The following CDHR1 variants were observed in gnomAD, a reference collection of about 807,000 sequenced individuals.
The protein encoded by CDHR1 is cadherin related family member 1, also known as cadherin-related family member 1.
CDHR1 carries 61 observed loss-of-function variants against 72.1 expected under a neutral mutation model. The ratio of observed to expected loss-of-function variants is 0.85; its 90% CI spans 0.69 to 1.05. CDHR1 has a LOEUF of 1.05. Ranked by LOEUF, CDHR1 falls within the 50% of genes least tolerant of loss-of-function variation. CDHR1 has a pLI of 0.00. For synonymous variants in CDHR1, 470 were observed against 448.1 expected (o/e 1.05, Z -0.62); for missense variants, 1,186 against 1,115.7 (o/e 1.06, Z -0.90).
intron 15 of CDHR1, 80 bp downstream of exon 15, chr10:84,212,487 T>A: frequency 7.7e-7 from 1 of 1,292,702 alleles, no homozygotes; most frequent in Non-Finnish European, 1.1e-6. Context: ...AAGAATTTCA[T>A]TGAAGATAAA....
intron 15 of CDHR1, 26 bp downstream of exon 15, chr10:84,212,433 C>T: frequency 6.3e-7 from 1 of 1,577,970 alleles, no homozygotes; most frequent in Non-Finnish European, 8.7e-7. Flanking sequence ...AGCTGAGCTC[C>T]CCTAAAAGCC....
Position 84,214,335 on chromosome 10 carries a change from C to T in CDHR1, c.2294C>T (p.Thr765Ile), listed in dbSNP as rs770470540. 6.2e-7 allele frequency: 1 copy of T among 1,614,206 alleles called. No individual in the cohort carries two copies. The highest frequency in any genetic ancestry group is 1.1e-5 in the South Asian group (1 of 91,086). Reference sequence around the variant, plus strand: ...AAGTCCAAGAGCACCAAAGCCGCTACCAAGTTCATGCTCAAAGAGAAACCT... The same window carrying T: ...AAGTCCAAGAGCACCAAAGCCGCTATCAAGTTCATGCTCAAAGAGAAACCT... ...WLKSKSTKAA[T>I]KFMLKEKPPN... The change falls in exon 17 of 17, where the codon ACC (threonine) becomes ATC (isoleucine). Residue 765 changes from threonine (T) to isoleucine (I), a missense_variant. Thr to Ile is a moderately conservative substitution (Grantham distance 89). Transcript: ENST00000623527.
downstream of CDHR1, chr10:84,219,534 G>T: frequency 2.2e-6 from 1 of 452,836 alleles, no homozygotes; most frequent in Non-Finnish European, 3.8e-6. Flanking sequence ...TCATGATGGT[G>T]ACACCCTCAA....
chr10:84,208,150 C>A, intron 10 of CDHR1, 24 bp from the exon 11 acceptor site: 3 of 1,608,364 alleles, frequency 1.9e-6, no homozygotes, highest in Non-Finnish European at 2.6e-6. Flanking sequence ...GCCACACAGC[C>A]ATAGCCACTT....
At position 84,214,668 on chromosome 10, in the gene CDHR1, C is replaced by T. The variant is rs766989113; in HGVS notation, c.*47C>T. 8 of 1,598,424 alleles carry T rather than the reference C, an allele frequency of 5.0e-6. No individual in the cohort carries two copies. Among genetic ancestry groups the T allele is most frequent in the Admixed American group, 3.3e-5 (2 of 59,888 alleles). On this transcript the variant is annotated 3_prime_UTR_variant, in exon 17 of 17. Transcript: ENST00000623527. ...TCTTTCCTCCGCCCCTGACCCCCAC[C>T]ACCCTGCTGCTCGGACTATGCTCCC...
At chr10:84,212,721 C>T (rs1292412295) in intron 15 of CDHR1, among the ~76,000 whole-genome samples, 1 of 152,146 alleles carries the variant, frequency 6.6e-6, no homozygotes, top group African/African-American at 2.4e-5. Context: ...GCCAATGTGG[C>T]AAAAAGGATG....
chr10:84,218,823 A>G, downstream of CDHR1: 1 of 962,664 alleles, frequency 1.0e-6, no homozygotes, highest in East Asian at 4.1e-5. Flanking sequence ...ATAAGATGTG[A>G]TATTCCAAAT....
chr10:84,211,720 G>A lies in CDHR1; in HGVS notation c.1553+5G>A. 2 of 1,612,728 alleles carry A rather than the reference G, an allele frequency of 1.2e-6. No individual in the cohort carries two copies. Among genetic ancestry groups the A allele is most frequent in the African/African-American group, 1.3e-5 (1 of 75,012 alleles). On this transcript the variant is annotated splice_donor_5th_base_variant and intron_variant, in intron 14 of 16. Coordinates refer to ENST00000623527, the MANE Select transcript of CDHR1 (RefSeq NM_033100.4). ...CTATGGGACTGGGGCAGACCTGTAA[G>A]TAGATCCAGAATCCAGGACAGGGCC... is the stretch of plus-strand genomic sequence containing the variant.
intron 7 of CDHR1, 66 bp from the exon 8 acceptor site, chr10:84,202,914 C>T (rs371610124): frequency 4.0e-5 from 64 of 1,598,258 alleles, no homozygotes; most frequent in Middle Eastern, 1.6e-4. Context: ...CAGGTTTTCA[C>T]GGATTCTGTC....
At position 84,218,002 on chromosome 10, in the gene CDHR1, G is replaced by C; in HGVS notation, c.*3381G>C. Reference sequence around the variant, plus strand: ...CATGCTCTGCTTCTCTAAGGATTTCGGTGATTCTATTTTTAGGGACTGAAG... The same window carrying C: ...CATGCTCTGCTTCTCTAAGGATTTCCGTGATTCTATTTTTAGGGACTGAAG... On this transcript the variant is annotated 3_prime_UTR_variant, in exon 17 of 17. Transcript: ENST00000623527. 1 of 985,470 alleles carries C rather than the reference G, an allele frequency of 1.0e-6. No homozygotes were observed. Among genetic ancestry groups the C allele is most frequent in the Non-Finnish European group, 1.2e-6 (1 of 829,956 alleles). 61.0% of individuals were successfully genotyped at this position (985,470 alleles called of 1,614,324 possible). A position where few individuals can be genotyped will look rare whatever the true frequency, so the allele number is the denominator to read the frequency against.
At position 84,210,983 on chromosome 10, in the gene CDHR1, A is replaced by G. The variant is rs1449228750; in HGVS notation, c.1321-18A>G. 3.1e-6 allele frequency: 5 copies of G among 1,614,112 alleles called. No individual in the cohort carries two copies. The highest frequency in any genetic ancestry group is 3.3e-5 in the Admixed American group (2 of 60,020). On this transcript the variant is annotated intron_variant, in intron 12 of 16. Coordinates refer to ENST00000623527, the MANE Select transcript of CDHR1 (RefSeq NM_033100.4). ...TGAGTGCCTACCCAGACAAGTCCCC[A>G]TTTTCCCCCCTTCCCAGCTCCTGGC...
At chr10:84,212,631 T>A (rs770484208) in intron 15 of CDHR1, among the ~76,000 whole-genome samples, 1 of 152,146 alleles carries the variant, frequency 6.6e-6, no homozygotes, top group Non-Finnish European at 1.5e-5. Context: ...GCCAGGTGGG[T>A]TAAGTGTTTG....
intron 5 of CDHR1, among the ~76,000 whole-genome samples, chr10:84,200,222 C>G (rs1216699262): frequency 6.6e-6 from 1 of 151,920 alleles, no homozygotes; most frequent in Non-Finnish European, 1.5e-5. Flanking sequence ...ATGTCTCATT[C>G]TTGCTCTAAA....
chr10:84,210,045 G>A (rs959201798), intron 12 of CDHR1, among the ~76,000 whole-genome samples: 2 of 152,052 alleles, frequency 1.3e-5, no homozygotes, highest in African/African-American at 2.4e-5. Flanking sequence ...CACGGCAAAA[G>A]CCCATCTTTA....
chr10:84,203,217 C>A, intron 8 of CDHR1, 94 bp downstream of exon 8: 1 of 1,536,176 alleles, frequency 6.5e-7, no homozygotes, highest in Non-Finnish European at 9.0e-7. Context: ...GATGGCTGGT[C>A]TGGTCCCGGT....
In CDHR1 at chr10:84,195,543, C is replaced by T; in HGVS notation, c.105C>T (p.Thr35=). 1 of 1,614,190 alleles carries T rather than the reference C, an allele frequency of 6.2e-7. No individual in the cohort carries two copies. Among genetic ancestry groups the T allele is most frequent in the Non-Finnish European group, 8.5e-7 (1 of 1,180,018 alleles). ...PHFFDNGVGS[T]NGNMALFSLP... The stretch of plus-strand genomic sequence containing the variant: ...TCTTCGACAACGGGGTCGGCAGCAC[C>T]AACGGAAACATGGCTCTGTTCAGCC... The change falls in exon 2 of 17, where the codon ACC becomes ACT. Residue 35 remains threonine (T), a synonymous_variant. Coordinates refer to ENST00000623527, the MANE Select transcript of CDHR1 (RefSeq NM_033100.4).
downstream of CDHR1, chr10:84,219,113 TCC>T: frequency 7.4e-7 from 1 of 1,354,810 alleles, no homozygotes; most frequent in Non-Finnish European, 1.0e-6. Context: ...AATAGTAACT[TCC>T]CTGGTACAAC....
intron 9 of CDHR1, among the ~76,000 whole-genome samples, chr10:84,205,415 C>T (rs1277586136): frequency 5.3e-5 from 8 of 151,902 alleles, no homozygotes; most frequent in Admixed American, 5.2e-4. Context: ...CACACCCTCC[C>T]TCTCCTCTCT....
In CDHR1 at chr10:84,212,462, G is replaced by A; in HGVS notation, c.1782+55G>A. On this transcript the variant is annotated intron_variant, in intron 15 of 16. Transcript: ENST00000623527. ...AAAAGCCTGGGTCCAGCAGCTCCAA[G>A]AGATACTGAGGCATAAGAATTTCAT... The A allele has an allele frequency of 3.5e-6, 5 of 1,411,520 alleles. No homozygotes were observed. The South Asian group carries it at 4.6e-5, about 13-fold the overall frequency. 87.4% of individuals were successfully genotyped at this position (1,411,520 alleles called of 1,614,324 possible).
Sources: allele counts gnomAD v4.1 joint callset (sites outside exome capture counted in the v4.1 genomes callset), GRCh38; gene constraint gnomAD v4.1.1; transcripts MANE v1.5; gene names NCBI Gene and HGNC (gene_info 2026-07-23, HGNC 2026-07-21).